GALNT13: variants seen among roughly 807,000 people sequenced by gnomAD.
GALNT13 encodes the protein polypeptide N-acetylgalactosaminyltransferase 13.
In GALNT13, 28 loss-of-function variants were observed where a neutral mutation model predicts 64.2. The ratio of observed to expected loss-of-function variants is 0.44; its 90% CI spans 0.32 to 0.60. The LOEUF is 0.60. GALNT13 is among the 20% of genes least tolerant of loss of function. The pLI is 0.05. For synonymous variants in GALNT13, 214 were observed against 224.6 expected (o/e 0.95, Z 0.42); for missense variants, 577 against 669.8 (o/e 0.86, Z 1.53).
the GALNT13 span, among the ~76,000 whole-genome samples, chr2:153,075,217 G>T: frequency 6.6e-6 from 1 of 152,122 alleles, no homozygotes; most frequent in South Asian, 2.1e-4. Flanking sequence ...GTTTCTTTCA[G>T]TGGAAAATAG....
At chr2:153,851,812 A>G in the GALNT13 span, among the ~76,000 whole-genome samples, 1 of 152,208 alleles carries the variant, frequency 6.6e-6, no homozygotes, top group Admixed American at 6.5e-5. Context: ...TAGTTAAAAA[A>G]ACTCTTAAGA....
chr2:153,785,600 C>A, the GALNT13 span, among the ~76,000 whole-genome samples: 1 of 152,082 alleles, frequency 6.6e-6, no homozygotes, highest in Non-Finnish European at 1.5e-5. Context: ...TTTCAATTGC[C>A]CCTGGGGGCT....
At chr2:153,933,780 G>A (rs900022516) in intron 2 of GALNT13, among the ~76,000 whole-genome samples, 1 of 152,120 alleles carries the variant, frequency 6.6e-6, no homozygotes, top group Non-Finnish European at 1.5e-5. Flanking sequence ...AAGACCTCTT[G>A]TAAAGTGGGT....
chr2:153,337,952 CTTA>C, the GALNT13 span, among the ~76,000 whole-genome samples: 3 of 152,106 alleles, frequency 2.0e-5, no homozygotes, highest in African/African-American at 7.2e-5. Context: ...TTATAAAGTA[CTTA>C]TTATTATAGA....
the GALNT13 span, among the ~76,000 whole-genome samples, chr2:153,340,204 TATTA>T: frequency 6.6e-6 from 1 of 152,200 alleles, no homozygotes; most frequent in Non-Finnish European, 1.5e-5. Flanking sequence ...ATTTTTACAA[TATTA>T]ATTCTTCTAA....
At chr2:153,070,210 C>G in the GALNT13 span, among the ~76,000 whole-genome samples, 1 of 152,110 alleles carries the variant, frequency 6.6e-6, no homozygotes, top group Non-Finnish European at 1.5e-5. Flanking sequence ...ATGTGCCAAT[C>G]TGAAAAGGCT....
the GALNT13 span, among the ~76,000 whole-genome samples, chr2:153,208,819 T>A: frequency 1.3e-5 from 2 of 152,092 alleles, no homozygotes; most frequent in Non-Finnish European, 2.9e-5. Context: ...TTTGGTATTA[T>A]CAGTCTTTTC....
chr2:153,988,073 T>TC (rs1558891796), intron 3 of GALNT13, among the ~76,000 whole-genome samples: 25 of 146,146 alleles, frequency 1.7e-4, no homozygotes, highest in Admixed American at 7.5e-4. Flanking sequence ...TATATATATA[T>TC]ACACACACAC....
the GALNT13 span, among the ~76,000 whole-genome samples, chr2:153,196,540 GC>G: frequency 6.6e-6 from 1 of 152,090 alleles, no homozygotes; most frequent in Non-Finnish European, 1.5e-5. Flanking sequence ...CCCTTCCTGG[GC>G]CCCCGAGAGT....
At chr2:153,213,861 G>A in the GALNT13 span, among the ~76,000 whole-genome samples, 1 of 152,132 alleles carries the variant, frequency 6.6e-6, no homozygotes, top group Non-Finnish European at 1.5e-5. Context: ...AAGCTAATGA[G>A]AACTGGTATT....
At chr2:154,033,783 C>T (rs930373833) in intron 3 of GALNT13, among the ~76,000 whole-genome samples, 41 of 151,902 alleles carry the variant, frequency 2.7e-4, no homozygotes, top group African/African-American at 8.7e-4. Context: ...ACTAAAAATA[C>T]AAAAAATTAG....
the GALNT13 span, among the ~76,000 whole-genome samples, chr2:153,504,793 G>A: frequency 2.0e-4 from 30 of 152,088 alleles, no homozygotes; most frequent in African/African-American, 7.2e-4. Flanking sequence ...CTCGTATTTT[G>A]TTGAGGATTT....
chr2:153,991,317 A>C (rs912227368), intron 3 of GALNT13, among the ~76,000 whole-genome samples: 66 of 152,308 alleles, frequency 4.3e-4, no homozygotes, highest in African/African-American at 1.6e-3. Context: ...TTGAGGATTC[A>C]GGGACCTGAA....
At chr2:153,200,207 A>G in the GALNT13 span, among the ~76,000 whole-genome samples, 1 of 152,226 alleles carries the variant, frequency 6.6e-6, no homozygotes, top group Non-Finnish European at 1.5e-5. Context: ...GGAAGGACAT[A>G]CTGAAGACAA....
the GALNT13 span, among the ~76,000 whole-genome samples, chr2:153,088,253 T>TCAAGAGCAGA: frequency 6.6e-6 from 1 of 152,146 alleles, no homozygotes; most frequent in East Asian, 1.9e-4. Flanking sequence ...TTATTTAATT[T>TCAAGAGCAGA]TTATGTATAT....
chr2:154,408,713 A>G (rs529322547), intron 10 of GALNT13, among the ~76,000 whole-genome samples: 7 of 152,148 alleles, frequency 4.6e-5, no homozygotes, highest in South Asian at 4.1e-4. Flanking sequence ...TCCTTCTTCT[A>G]TGATACTATG....
chr2:154,273,978 G>GTTT (rs1320922597), intron 8 of GALNT13, among the ~76,000 whole-genome samples: 1 of 151,502 alleles, frequency 6.6e-6, no homozygotes, highest in Non-Finnish European at 1.5e-5. Context: ...ATATAAGAAG[G>GTTT]TTTTTTCTCA....
At chr2:154,227,329 T>A (rs1688671190) in intron 4 of GALNT13, among the ~76,000 whole-genome samples, 1 of 151,998 alleles carries the variant, frequency 6.6e-6, no homozygotes, top group Non-Finnish European at 1.5e-5. Flanking sequence ...ATTTTTCTTT[T>A]TTTCTTTTTT....
At chr2:153,201,774 T>C in the GALNT13 span, 8 of 152,202 alleles carry the variant, frequency 5.3e-5, no homozygotes, top group Non-Finnish European at 1.2e-4. Context: ...CTATTCACTA[T>C]CTTGTTGTTG....
Sources: gnomAD v4.1 joint callset for allele counts (sites outside exome capture counted in the v4.1 genomes callset) on GRCh38, gnomAD v4.1.1 for gene constraint, MANE v1.5 for transcripts, NCBI Gene and HGNC (gene_info 2026-07-23, HGNC 2026-07-21) for gene names.